TBC1D8: variants seen among roughly 807,000 people sequenced by gnomAD.
TBC1D8 encodes the protein BUB2-like protein 1.
In TBC1D8, 65 loss-of-function variants were observed where a neutral mutation model predicts 118.8. The observed-to-expected ratio is 0.55, with a 90% CI of 0.45 to 0.67. The LOEUF is 0.67. TBC1D8 is among the 30% of genes least tolerant of loss of function. TBC1D8 has a pLI of 0.00. For synonymous variants in TBC1D8, 566 were observed against 595.8 expected (o/e 0.95, Z 0.73); for missense variants, 1,376 against 1,471.2 (o/e 0.94, Z 1.06).
chr2:101,018,143 C>T, intron 17 of TBC1D8: 1 of 510,256 alleles, frequency 2.0e-6, no homozygotes, highest in South Asian at 3.1e-5. Context: ...AAAGCTTTCC[C>T]TCATTCATAC....
intron 2 of TBC1D8, among the ~76,000 whole-genome samples, chr2:101,080,020 A>G (rs1675159422): frequency 6.6e-6 from 1 of 151,940 alleles, no homozygotes; most frequent in Non-Finnish European, 1.5e-5. Flanking sequence ...AGTTGTTAAC[A>G]TCACTTTTGA....
intron 1 of TBC1D8, among the ~76,000 whole-genome samples, chr2:101,111,343 C>G (rs1677572267): frequency 6.6e-6 from 1 of 152,278 alleles, no homozygotes; most frequent in South Asian, 2.1e-4. Flanking sequence ...GCAGGATGCT[C>G]CGGCGGTGGC....
chr2:101,109,601 C>G (rs937651723), intron 1 of TBC1D8, among the ~76,000 whole-genome samples: 2 of 152,076 alleles, frequency 1.3e-5, no homozygotes, highest in African/African-American at 4.8e-5. Context: ...TACTTATGAG[C>G]AGGGTCATAA....
chr2:101,068,139 C>T lies in TBC1D8; in HGVS notation c.284-8600G>A, dbSNP rs542386301. Among the ~76,000 whole-genome samples the T allele has an allele frequency of 5.3e-5, 8 of 152,306 alleles. No individual in the cohort carries two copies. In the South Asian group the frequency reaches 1.5e-3, roughly 28 times the overall value. The stretch of plus-strand genomic sequence containing the variant: ...TCTGCAGTGACTCCCTCCACTGAAG[C>T]CTTGAACCCCCGAAGCCCTCAAAGT... On this transcript the variant is annotated intron_variant, in intron 2 of 19. Transcript: ENST00000409318.
chr2:101,038,747 G>A, intron 6 of TBC1D8, 92 bp from the exon 7 acceptor site: 2 of 1,389,678 alleles, frequency 1.4e-6, no homozygotes, highest in Non-Finnish European at 2.0e-6. Context: ...CAGAGGGCAA[G>A]GCACAATCAC....
intron 2 of TBC1D8, among the ~76,000 whole-genome samples, chr2:101,063,363 C>T (rs990004699): frequency 6.6e-6 from 1 of 152,180 alleles, no homozygotes. Flanking sequence ...CAAACCCACA[C>T]CTTAAAAGAG....
chr2:101,021,956 G>T (rs1680054603), intron 16 of TBC1D8, among the ~76,000 whole-genome samples: 1 of 152,148 alleles, frequency 6.6e-6, no homozygotes, highest in Admixed American at 6.5e-5. Flanking sequence ...ATGTTGTCTG[G>T]CCTCATACCT....
At chr2:101,122,407 A>G (rs1678166922) in intron 1 of TBC1D8, among the ~76,000 whole-genome samples, 1 of 147,264 alleles carries the variant, frequency 6.8e-6, no homozygotes, top group East Asian at 2.0e-4. Flanking sequence ...AAAAAAAAAA[A>G]AAAAGCATGG....
intron 3 of TBC1D8, 24 bp from the exon 4 acceptor site, chr2:101,054,360 C>T: frequency 6.4e-7 from 1 of 1,550,542 alleles, no homozygotes; most frequent in Non-Finnish European, 8.7e-7. Context: ...ATGACAGTCC[C>T]TGCTCAGTGA....
At chr2:101,095,337 G>A (rs1056393491) in intron 1 of TBC1D8, among the ~76,000 whole-genome samples, 35 of 150,060 alleles carry the variant, frequency 2.3e-4, no homozygotes, top group African/African-American at 7.6e-4. Context: ...TGCCATGTTG[G>A]TGTGCTGCAC....
At chr2:101,109,300 C>A (rs112702180) in intron 1 of TBC1D8, among the ~76,000 whole-genome samples, 1 of 152,148 alleles carries the variant, frequency 6.6e-6, no homozygotes, top group East Asian at 1.9e-4. Context: ...GGGGAAGATA[C>A]GGGTGAGAAA....
chr2:101,131,759 G>A (rs949552323), intron 1 of TBC1D8, among the ~76,000 whole-genome samples: 2 of 152,020 alleles, frequency 1.3e-5, no homozygotes, highest in Non-Finnish European at 2.9e-5. Context: ...AGCTTGCGGC[G>A]AGCCAAGATC....
At chr2:101,059,832 G>A (rs1211701085) in intron 2 of TBC1D8, among the ~76,000 whole-genome samples, 4 of 152,150 alleles carry the variant, frequency 2.6e-5, no homozygotes, top group Non-Finnish European at 2.9e-5. Context: ...CCAGCTACTC[G>A]GGAGGCTGAG....
intron 1 of TBC1D8, among the ~76,000 whole-genome samples, chr2:101,123,941 AC>A (rs1304011693): frequency 6.6e-6 from 1 of 152,128 alleles, no homozygotes; most frequent in African/African-American, 2.4e-5. Context: ...AATGAAACTC[AC>A]CAGAGTTTTA....
intron 1 of TBC1D8, chr2:101,109,824 C>A (rs1677478402): frequency 1.0e-6 from 1 of 985,460 alleles, no homozygotes; most frequent in East Asian, 1.1e-4. Flanking sequence ...AATACTACAT[C>A]ATTTACAAAC....
intron 2 of TBC1D8, among the ~76,000 whole-genome samples, chr2:101,076,732 C>G (rs894856376): frequency 6.6e-6 from 1 of 152,244 alleles, no homozygotes; most frequent in Non-Finnish European, 1.5e-5. Flanking sequence ...TGAAAGAGAT[C>G]TGCTCTAACC....
chr2:101,087,238 A>C (rs1458747657), intron 2 of TBC1D8, among the ~76,000 whole-genome samples: 1 of 152,228 alleles, frequency 6.6e-6, no homozygotes, highest in Non-Finnish European at 1.5e-5. Flanking sequence ...ACTCAAGTCC[A>C]GAAACAAGGG....
chr2:101,092,098 C>A (rs570099181), intron 1 of TBC1D8, among the ~76,000 whole-genome samples: 2 of 152,358 alleles, frequency 1.3e-5, no homozygotes, highest in South Asian at 4.1e-4. Flanking sequence ...CCTTTTGCTA[C>A]AATGGATCCA....
intron 1 of TBC1D8, among the ~76,000 whole-genome samples, chr2:101,141,310 T>C (rs1679090427): frequency 6.6e-6 from 1 of 152,252 alleles, no homozygotes; most frequent in African/African-American, 2.4e-5. Flanking sequence ...AGTTAACAAC[T>C]ATCCCAGAAT....
Sources: gnomAD v4.1 joint callset for allele counts (sites outside exome capture counted in the v4.1 genomes callset) on GRCh38, gnomAD v4.1.1 for gene constraint, MANE v1.5 for transcripts, NCBI Gene and HGNC (gene_info 2026-07-23, HGNC 2026-07-21) for gene names.